The following EVI5 variants were observed in gnomAD, a reference collection of about 807,000 sequenced individuals.
EVI5 encodes the protein ecotropic viral integration site 5, also known as ecotropic viral integration site 5 protein homolog.
Under a neutral mutation model 112.0 loss-of-function variants are expected in EVI5, and 73 were observed. That is an observed-to-expected ratio of 0.65 (90% confidence interval 0.54 to 0.79). The LOEUF is 0.79. EVI5 is among the 30% of genes least tolerant of loss of function. EVI5 has a pLI of 0.00. For synonymous variants in EVI5, 305 were observed against 319.9 expected (o/e 0.95, Z 0.50); for missense variants, 900 against 968.8 (o/e 0.93, Z 0.94).
chr1:92,665,887 GA>G, intron 11 of EVI5, 51 bp downstream of exon 11: 1 of 1,291,888 alleles, frequency 7.7e-7, no homozygotes, highest in Non-Finnish European at 1.1e-6. Flanking sequence ...TAAATATACA[GA>G]AAAAACACCA....
At chr1:92,782,164 C>T (rs944066331) in intron 1 of EVI5, among the ~76,000 whole-genome samples, 3 of 151,136 alleles carry the variant, frequency 2.0e-5, no homozygotes, top group Non-Finnish European at 4.4e-5. Flanking sequence ...TAGGCTGAGG[C>T]AGGAGAATTG....
At chr1:92,654,878 T>C (rs1662744672) in intron 13 of EVI5, among the ~76,000 whole-genome samples, 2 of 151,900 alleles carry the variant, frequency 1.3e-5, no homozygotes, top group South Asian at 4.2e-4. Context: ...AAAAACAATC[T>C]CAGAGCTTAA....
chr1:92,594,303 C>G (rs1647191696), intron 18 of EVI5, among the ~76,000 whole-genome samples: 2 of 151,976 alleles, frequency 1.3e-5, no homozygotes, highest in African/African-American at 4.8e-5. Flanking sequence ...CTAACAAAAA[C>G]AAGAAATGAG....
In EVI5 at chr1:92,625,589, T is replaced by C. The variant is rs191728486; in HGVS notation, c.1668+205A>G. 3.4e-3 allele frequency: 1,581 copies of C among 460,118 alleles called. 7 individuals carry two copies. The highest frequency in any genetic ancestry group is 3.2e-3 in the Non-Finnish European group (814 of 255,260). 28.5% of individuals were successfully genotyped at this position (460,118 alleles called of 1,614,324 possible). A position where few individuals can be genotyped will look rare whatever the true frequency, so the allele number is the denominator to read the frequency against. On this transcript the variant is annotated intron_variant, in intron 15 of 19. Coordinates refer to ENST00000684568, the MANE Select transcript of EVI5 (RefSeq NM_001350197.2). ...AAAATATTATCTGATGTCTACTGTA[T>C]CTTTTATTTTATTATAAGAATTAAA...
intron 1 of EVI5, among the ~76,000 whole-genome samples, chr1:92,776,635 C>CT (rs770829382): frequency 0.027 from 3,741 of 137,670 alleles, 145 homozygotes; most frequent in African/African-American, 0.082. Flanking sequence ...ACCATCATGA[C>CT]TTTTTTTTTT....
chr1:92,576,105 T>C (rs1165084738), intron 18 of EVI5, among the ~76,000 whole-genome samples: 1 of 152,128 alleles, frequency 6.6e-6, no homozygotes, highest in African/African-American at 2.4e-5. Flanking sequence ...GCACTAAAAC[T>C]TAAATATCTG....
At chr1:92,657,213 G>C (rs550692026) in intron 13 of EVI5, among the ~76,000 whole-genome samples, 44 of 152,284 alleles carry the variant, frequency 2.9e-4, no homozygotes, top group African/African-American at 8.9e-4. Context: ...GGGATGCAAG[G>C]ATGGTTCAAC....
chr1:92,529,273 C>A (rs1662443145), intron 19 of EVI5, among the ~76,000 whole-genome samples: 1 of 152,166 alleles, frequency 6.6e-6, no homozygotes, highest in Admixed American at 6.5e-5. Flanking sequence ...TATTATGCTC[C>A]TTACTTTGCT....
chr1:92,689,005 GT>G (rs1669034768), intron 9 of EVI5, among the ~76,000 whole-genome samples: 1 of 151,952 alleles, frequency 6.6e-6, no homozygotes, highest in African/African-American at 2.4e-5. Flanking sequence ...CCACTAACAA[GT>G]CAAAGCAGTA....
At chr1:92,559,276 T>G (rs1026288455) in intron 19 of EVI5, among the ~76,000 whole-genome samples, 1 of 152,212 alleles carries the variant, frequency 6.6e-6, no homozygotes, top group Non-Finnish European at 1.5e-5. Flanking sequence ...AATCCACTGA[T>G]GCAAAATCCA....
At chr1:92,561,646 T>TATCC (rs1489623263) in intron 19 of EVI5, among the ~76,000 whole-genome samples, 2 of 149,484 alleles carry the variant, frequency 1.3e-5, no homozygotes, top group African/African-American at 2.5e-5. Context: ...TCTATCTATC[T>TATCC]ATCTATCTAT....
At chr1:92,625,749 G>C (rs201552619) in intron 15 of EVI5, 45 bp downstream of exon 15, 6 of 1,565,876 alleles carry the variant, frequency 3.8e-6, no homozygotes, top group Non-Finnish European at 5.3e-6. Context: ...TGGATATTTC[G>C]GTTTTACTCT....
At chr1:92,630,454 C>T (rs1656765177) in intron 14 of EVI5, among the ~76,000 whole-genome samples, 1 of 152,200 alleles carries the variant, frequency 6.6e-6, no homozygotes, top group African/African-American at 2.4e-5. Context: ...CTTTTGGCTG[C>T]ATAAGTGTCT....
intron 16 of EVI5, among the ~76,000 whole-genome samples, chr1:92,618,144 T>C (rs1236258512): frequency 6.6e-6 from 1 of 152,146 alleles, no homozygotes; most frequent in Non-Finnish European, 1.5e-5. Flanking sequence ...TGAATCAGCA[T>C]CCAACATATG....
chr1:92,775,965 A>T (rs1182641), intron 1 of EVI5, among the ~76,000 whole-genome samples: 1 of 151,892 alleles, frequency 6.6e-6, no homozygotes, highest in Non-Finnish European at 1.5e-5. Flanking sequence ...AAAATTAGCC[A>T]GGCGTGGTGG....
upstream of EVI5, among the ~76,000 whole-genome samples, chr1:92,789,019 T>G (rs1057277664): frequency 6.6e-6 from 1 of 152,078 alleles, no homozygotes; most frequent in Non-Finnish European, 1.5e-5. Flanking sequence ...ATAACTTACC[T>G]CAATTTATAC....
chr1:92,674,990 T>C (rs1666482579), intron 10 of EVI5, among the ~76,000 whole-genome samples: 1 of 152,202 alleles, frequency 6.6e-6, no homozygotes, highest in African/African-American at 2.4e-5. Context: ...GGAGCTAGAT[T>C]CAAAAACATT....
intron 2 of EVI5, among the ~76,000 whole-genome samples, chr1:92,720,165 G>GA (rs1446940858): frequency 6.6e-6 from 1 of 151,878 alleles, no homozygotes; most frequent in Non-Finnish European, 1.5e-5. Flanking sequence ...CACAGAATTG[G>GA]AAAAAACTAC....
At chr1:92,583,444 G>C (rs1203410288) in intron 18 of EVI5, among the ~76,000 whole-genome samples, 4 of 149,908 alleles carry the variant, frequency 2.7e-5, no homozygotes, top group Admixed American at 6.7e-5. Context: ...CTGGGAGGCG[G>C]AGGTTGCGGT....
Sources: gnomAD v4.1 joint callset for allele counts (sites outside exome capture counted in the v4.1 genomes callset) on GRCh38, gnomAD v4.1.1 for gene constraint, MANE v1.5 for transcripts, NCBI Gene and HGNC (gene_info 2026-07-23, HGNC 2026-07-21) for gene names.